KCNU1: variants seen among roughly 807,000 people sequenced by gnomAD.
KCNU1 encodes the protein potassium channel subfamily U member 1.
A neutral mutation model predicts 126.8 loss-of-function variants in KCNU1; 93 were observed. The ratio of observed to expected loss-of-function variants is 0.73; its 90% CI spans 0.62 to 0.87. The LOEUF (loss-of-function observed/expected upper bound fraction) is 0.87. KCNU1 is among the 40% of genes least tolerant of loss of function. The pLI, the probability that KCNU1 is intolerant of heterozygous loss-of-function variation, is 0.00. For synonymous variants in KCNU1, 523 were observed against 494.2 expected, an observed-to-expected ratio of 1.06 and a Z score of -0.77; for missense variants, 1,330 against 1,367.1, an observed-to-expected ratio of 0.97 and a Z score of 0.43.
Position 36,931,154 on chromosome 8 carries a change from A to G in KCNU1, c.2931+9A>G, listed in dbSNP as rs747665604. On this transcript the variant is annotated intron_variant, in intron 25 of 26. Transcript: ENST00000399881. ...TTTTATCAGACGTTAATGTGAGTCT[A>G]CTCTTCTCAGAATTCAGTTTTTCAC... 5.7e-6 allele frequency: 9 copies of G among 1,583,258 alleles called. No homozygotes were observed. In the African/African-American group the frequency reaches 9.5e-5, roughly 17 times the overall value.
At chr8:36,931,235 T>A in intron 25 of KCNU1, 90 bp downstream of exon 25, 1 of 730,640 alleles carries the variant, frequency 1.4e-6, no homozygotes, top group South Asian at 2.1e-5. Context: ...TTCATAGATG[T>A]CCCATAGCAC....
chr8:36,898,627 C>T (rs929987070), intron 19 of KCNU1, among the ~76,000 whole-genome samples: 1 of 151,986 alleles, frequency 6.6e-6, no homozygotes, highest in African/African-American at 2.4e-5. Flanking sequence ...TTCAGTAATG[C>T]GTTTTAGGAT....
At chr8:36,881,693 C>T (rs1376898355) in intron 19 of KCNU1, among the ~76,000 whole-genome samples, 2 of 151,830 alleles carry the variant, frequency 1.3e-5, no homozygotes, top group African/African-American at 2.4e-5. Context: ...CATTGCTCAC[C>T]ATCTTGAGAA....
At chr8:36,807,996 G>A (rs1803570253) in intron 6 of KCNU1, among the ~76,000 whole-genome samples, 2 of 152,180 alleles carry the variant, frequency 1.3e-5, no homozygotes, top group Admixed American at 1.3e-4. Context: ...ATTTTGAGCA[G>A]TTTGGTCTGT....
chr8:36,867,495 G>A (rs1255042198), intron 19 of KCNU1, among the ~76,000 whole-genome samples: 3 of 152,154 alleles, frequency 2.0e-5, no homozygotes, highest in Non-Finnish European at 4.4e-5. Flanking sequence ...TTATGTTAAT[G>A]CAAAGTTGTT....
At chr8:36,851,348 G>C (rs1279605705) in intron 18 of KCNU1, among the ~76,000 whole-genome samples, 1 of 150,494 alleles carries the variant, frequency 6.6e-6, no homozygotes, top group South Asian at 2.1e-4. Context: ...CACAAGTTCT[G>C]ATGGTTTAAA....
At chr8:36,929,387 CAAAAAA>C (rs35835813) in intron 24 of KCNU1, among the ~76,000 whole-genome samples, 1 of 99,300 alleles carries the variant, frequency 1.0e-5, no homozygotes, top group Non-Finnish European at 2.0e-5. Flanking sequence ...GACCCTGTCT[CAAAAAA>C]AAAAAAAAAA....
intron 10 of KCNU1, among the ~76,000 whole-genome samples, chr8:36,831,335 C>T (rs1020279223): frequency 3.9e-5 from 6 of 152,104 alleles, no homozygotes; most frequent in African/African-American, 1.4e-4. Context: ...AATCGCCACA[C>T]TGACTTCCAC....
chr8:36,787,905 T>C (rs1363061761), intron 2 of KCNU1, among the ~76,000 whole-genome samples: 1 of 149,482 alleles, frequency 6.7e-6, no homozygotes, highest in African/African-American at 2.4e-5. Flanking sequence ...ATTATAATCA[T>C]ATTTTATATT....
At chr8:36,930,614 G>T (rs1391758737) in intron 24 of KCNU1, among the ~76,000 whole-genome samples, 1 of 152,018 alleles carries the variant, frequency 6.6e-6, no homozygotes, top group East Asian at 1.9e-4. Context: ...TGATGATTAG[G>T]GTATCTGTGA....
intron 18 of KCNU1, among the ~76,000 whole-genome samples, chr8:36,846,326 CTG>C (rs1359972247): frequency 6.6e-6 from 1 of 152,186 alleles, no homozygotes; most frequent in Non-Finnish European, 1.5e-5. Flanking sequence ...CTTAAGTACT[CTG>C]TTTCCTTAAT....
intron 7 of KCNU1, among the ~76,000 whole-genome samples, chr8:36,810,157 C>T (rs756479680): frequency 6.6e-6 from 1 of 151,600 alleles, no homozygotes; most frequent in Non-Finnish European, 1.5e-5. Flanking sequence ...AAGGCTGAGG[C>T]AGGAGAATTG....
intron 10 of KCNU1, among the ~76,000 whole-genome samples, chr8:36,828,562 A>C (rs1804409799): frequency 6.6e-6 from 1 of 152,138 alleles, no homozygotes; most frequent in Non-Finnish European, 1.5e-5. Flanking sequence ...TATGTTAGTA[A>C]GATGCTTTCA....
At chr8:36,837,683 G>C (rs1804802197) in intron 14 of KCNU1, among the ~76,000 whole-genome samples, 1 of 152,156 alleles carries the variant, frequency 6.6e-6, no homozygotes, top group Non-Finnish European at 1.5e-5. Flanking sequence ...CAAAGTAAGG[G>C]GCTAAAAGTG....
At chr8:36,830,697 T>G (rs1158987713) in intron 10 of KCNU1, among the ~76,000 whole-genome samples, 1 of 152,036 alleles carries the variant, frequency 6.6e-6, no homozygotes, top group Non-Finnish European at 1.5e-5. Context: ...TGTTTGGATG[T>G]GTAGGTTTGT....
intron 10 of KCNU1, among the ~76,000 whole-genome samples, chr8:36,822,046 T>G (rs1202086554): frequency 6.6e-6 from 1 of 152,132 alleles, no homozygotes; most frequent in Non-Finnish European, 1.5e-5. Context: ...CTGCTCCTCC[T>G]ACCAAAAGTG....
chr8:36,913,900 C>T (rs1489364494), intron 22 of KCNU1, among the ~76,000 whole-genome samples: 2 of 152,096 alleles, frequency 1.3e-5, no homozygotes, highest in Non-Finnish European at 2.9e-5. Flanking sequence ...CACGCCTGGC[C>T]ATGAGGTCAC....
intron 18 of KCNU1, among the ~76,000 whole-genome samples, chr8:36,857,200 CCTTGGGGGTGAGCTGGAGTCAGGGA>C (rs965020053): frequency 2.6e-5 from 4 of 152,196 alleles, no homozygotes; most frequent in African/African-American, 9.7e-5. Context: ...GAAACCTCTG[CCTTGGGGGTGAGCTGGAGTCAGGGA>C]GATTAATGCT....
At chr8:36,824,035 C>T (rs1453056458) in intron 10 of KCNU1, among the ~76,000 whole-genome samples, 2 of 152,066 alleles carry the variant, frequency 1.3e-5, no homozygotes, top group Non-Finnish European at 2.9e-5. Flanking sequence ...TAGAATATCA[C>T]CATGTTGGCC....
Sources: allele counts gnomAD v4.1 joint callset (sites outside exome capture counted in the v4.1 genomes callset), GRCh38; gene constraint gnomAD v4.1.1; transcripts MANE v1.5; gene names NCBI Gene and HGNC (gene_info 2026-07-23, HGNC 2026-07-21).